Variants in RNF38 observed in about 807,000 individuals in gnomAD.
The protein encoded by RNF38 is ring finger protein 38.
RNF38 carries 15 observed loss-of-function variants against 67.2 expected under a neutral mutation model. The observed-to-expected ratio is 0.22, with a 90% CI of 0.15 to 0.34. RNF38 has a LOEUF of 0.34. Ranked by LOEUF, RNF38 falls within the 10% of genes least tolerant of loss-of-function variation. RNF38 has a pLI of 1.00. For missense variants in RNF38, 524 were observed against 639.9 expected, an observed-to-expected ratio of 0.82 and a Z score of 1.95; for synonymous variants, 220 against 218.8, an observed-to-expected ratio of 1.01 and a Z score of -0.05.
intron 1 of RNF38, among the ~76,000 whole-genome samples, chr9:36,466,036 T>C (rs918405853): frequency 6.6e-6 from 1 of 152,070 alleles, no homozygotes; most frequent in South Asian, 2.1e-4. Context: ...TGGGCAACAG[T>C]GCGAGACTCT....
At chr9:36,467,886 T>C (rs1233117305) in intron 1 of RNF38, among the ~76,000 whole-genome samples, 1 of 152,104 alleles carries the variant, frequency 6.6e-6, no homozygotes, top group Non-Finnish European at 1.5e-5. Flanking sequence ...AAGAAATAAT[T>C]ACAAAGTAGG....
At chr9:36,414,205 T>C (rs1218610114) in intron 2 of RNF38, among the ~76,000 whole-genome samples, 2 of 152,230 alleles carry the variant, frequency 1.3e-5, no homozygotes, top group African/African-American at 2.4e-5. Flanking sequence ...TCTGCCACTC[T>C]GTATTCTTTG....
intron 1 of RNF38, among the ~76,000 whole-genome samples, chr9:36,456,413 C>T (rs988455204): frequency 3.3e-5 from 5 of 152,190 alleles, no homozygotes; most frequent in Non-Finnish European, 5.9e-5. Flanking sequence ...ATATAATATG[C>T]ATTTCTGTGT....
At chr9:36,400,992 T>C (rs1837993677), upstream of RNF38, 1 of 982,540 alleles carries the variant, frequency 1.0e-6, no homozygotes, top group Non-Finnish European at 1.2e-6. Flanking sequence ...TGGCCTCCGC[T>C]GCGCGCGCAG....
At chr9:36,408,427 G>T (rs568390293) in intron 2 of RNF38, among the ~76,000 whole-genome samples, 2 of 152,262 alleles carry the variant, frequency 1.3e-5, no homozygotes, top group Non-Finnish European at 2.9e-5. Flanking sequence ...TAGCCCTATG[G>T]ACAGCAGTAC....
intron 2 of RNF38, among the ~76,000 whole-genome samples, chr9:36,377,329 T>G (rs1278570590): frequency 6.6e-6 from 1 of 152,192 alleles, no homozygotes; most frequent in Non-Finnish European, 1.5e-5. Context: ...AAAAATCATC[T>G]TATACCACTG....
At position 36,339,219 on chromosome 9, in the gene RNF38, CTA is replaced by C. The variant is rs2133294014; in HGVS notation, c.*531_*532del. 1 of 155,514 alleles carries C rather than the reference CTA, an allele frequency of 6.4e-6. No homozygotes were observed. The highest frequency in any genetic ancestry group is 2.0e-4 in the South Asian group (1 of 5,022). 9.6% of individuals were successfully genotyped at this position (155,514 alleles called of 1,614,324 possible). The stretch of plus-strand genomic sequence containing the variant: ...ATTATACATTGCAGCATAATTAAAA[CTA>C]CACACACATTCTTGGTACATGCTGG... On this transcript the variant is annotated 3_prime_UTR_variant, in exon 12 of 12. Transcript: ENST00000259605.
chr9:36,441,018 A>G (rs974198314), intron 1 of RNF38, among the ~76,000 whole-genome samples: 6 of 152,194 alleles, frequency 3.9e-5, no homozygotes, highest in African/African-American at 1.4e-4. Flanking sequence ...AATACACTCA[A>G]GGCTAAGTTG....
chr9:36,459,880 A>G (rs548718807), intron 1 of RNF38, among the ~76,000 whole-genome samples: 19 of 152,104 alleles, frequency 1.2e-4, no homozygotes, highest in Admixed American at 5.9e-4. Flanking sequence ...AAATCTGTGC[A>G]TACAAGATAC....
chr9:36,380,951 AG>A (rs1836170096), intron 2 of RNF38, among the ~76,000 whole-genome samples: 1 of 152,224 alleles, frequency 6.6e-6, no homozygotes, highest in Non-Finnish European at 1.5e-5. Flanking sequence ...CCCTACATGA[AG>A]TAGTCAAAAT....
At chr9:36,455,454 C>A (rs919141323) in intron 1 of RNF38, among the ~76,000 whole-genome samples, 1 of 152,164 alleles carries the variant, frequency 6.6e-6, no homozygotes, top group African/African-American at 2.4e-5. Flanking sequence ...TCTCAATTAT[C>A]TCCAGAAGGA....
chr9:36,408,671 G>T (rs902415981), intron 2 of RNF38, among the ~76,000 whole-genome samples: 1 of 152,090 alleles, frequency 6.6e-6, no homozygotes, highest in Non-Finnish European at 1.5e-5. Context: ...GTGACCAATG[G>T]GCCATGGGTC....
At chr9:36,345,937 TGA>T (rs1833194429) in intron 9 of RNF38, among the ~76,000 whole-genome samples, 1 of 152,206 alleles carries the variant, frequency 6.6e-6, no homozygotes, top group African/African-American at 2.4e-5. Flanking sequence ...TAGGGAGATG[TGA>T]ATACTTATAC....
intron 4 of RNF38, among the ~76,000 whole-genome samples, chr9:36,367,427 T>G (rs1835059270): frequency 6.6e-6 from 1 of 151,602 alleles, no homozygotes; most frequent in South Asian, 2.1e-4. Flanking sequence ...TTGCGCCTAT[T>G]AATATTTTTC....
intron 10 of RNF38, among the ~76,000 whole-genome samples, chr9:36,343,829 G>A (rs1196143046): frequency 6.6e-6 from 1 of 152,146 alleles, no homozygotes; most frequent in African/African-American, 2.4e-5. Context: ...CCATTTATGT[G>A]TAATCTATAT....
At chr9:36,435,533 A>C (rs555989311) in intron 1 of RNF38, among the ~76,000 whole-genome samples, 27 of 152,316 alleles carry the variant, frequency 1.8e-4, no homozygotes, top group Non-Finnish European at 3.8e-4. Flanking sequence ...TAGAGGGAGA[A>C]ACTGAATTTG....
At chr9:36,400,642 G>A (rs1168422564), upstream of RNF38, 6 of 985,538 alleles carry the variant, frequency 6.1e-6, no homozygotes, top group Non-Finnish European at 7.2e-6. Context: ...CCCAGCCCGC[G>A]GCCAGCTCGC....
chr9:36,429,654 C>T (rs1358714414), intron 1 of RNF38, among the ~76,000 whole-genome samples: 1 of 152,076 alleles, frequency 6.6e-6, no homozygotes, highest in Non-Finnish European at 1.5e-5. Flanking sequence ...ATTAGCCACG[C>T]ATGGTGGCGG....
chr9:36,478,420 A>C (rs1043153782), intron 1 of RNF38, among the ~76,000 whole-genome samples: 7 of 151,140 alleles, frequency 4.6e-5, no homozygotes, highest in Non-Finnish European at 1.0e-4. Flanking sequence ...AAAAAAAAAA[A>C]AAAGAGAGCG....
Sources: allele counts gnomAD v4.1 joint callset (sites outside exome capture counted in the v4.1 genomes callset), GRCh38; gene constraint gnomAD v4.1.1; transcripts MANE v1.5; gene names NCBI Gene and HGNC (gene_info 2026-07-23, HGNC 2026-07-21).